The following CECR2 variants were observed in gnomAD, a reference collection of about 807,000 sequenced individuals.
CECR2 encodes the protein CECR2 histone acetyl-lysine reader.
A neutral mutation model predicts 154.5 loss-of-function variants in CECR2; 30 were observed. That is an observed-to-expected ratio of 0.19 (90% CI 0.15 to 0.26). CECR2 has a LOEUF of 0.26. Among genes scored for constraint, CECR2 ranks in the 10% least tolerant of loss-of-function variants. The pLI is 1.00. For synonymous variants in CECR2, 725 were observed against 683.7 expected, an observed-to-expected ratio of 1.06 and a Z score of -0.94; for missense variants, 1,743 against 1,829.3, an observed-to-expected ratio of 0.95 and a Z score of 0.86.
At chr22:17,467,936 G>A (rs754856594) in intron 1 of CECR2, among the ~76,000 whole-genome samples, 14 of 152,220 alleles carry the variant, frequency 9.2e-5, no homozygotes, top group Non-Finnish European at 1.9e-4. Context: ...TGTGAAATGT[G>A]TTCTGTTTTT....
At chr22:17,552,251 C>A in intron 18 of CECR2, 109 bp downstream of exon 18, 1 of 984,342 alleles carries the variant, frequency 1.0e-6, no homozygotes, top group Non-Finnish European at 1.5e-6. Flanking sequence ...CCTGTGGATA[C>A]AGGAACTTTG....
At chr22:17,381,748 G>A (rs1158353040) in intron 1 of CECR2, among the ~76,000 whole-genome samples, 2 of 152,102 alleles carry the variant, frequency 1.3e-5, no homozygotes, top group Non-Finnish European at 2.9e-5. Context: ...CCCAGTGAGC[G>A]ATAGGGAATA....
rs2056794094 is a variant in CECR2 at position 17,558,041 on chromosome 22, G to A, written c.*5201G>A. ...AATAGTTAGTTCAATATTGTGTGTTGGATAATTTTTTAAAAGAACTTTTTA... is the reference window on the plus strand; with the variant it reads ...AATAGTTAGTTCAATATTGTGTGTTAGATAATTTTTTAAAAGAACTTTTTA... On this transcript the variant is annotated 3_prime_UTR_variant, in exon 19 of 19. Coordinates refer to ENST00000262608, the MANE Select transcript of CECR2 (RefSeq NM_001290047.2). The A allele has an allele frequency of 6.6e-6, 1 of 152,186 alleles. No individual in the cohort carries two copies. Among genetic ancestry groups the A allele is most frequent in the African/African-American group, 2.4e-5 (1 of 41,440 alleles). 9.4% of individuals were successfully genotyped at this position (152,186 alleles called of 1,614,324 possible).
chr22:17,415,201 T>C (rs1050306070), intron 1 of CECR2, among the ~76,000 whole-genome samples: 5 of 152,162 alleles, frequency 3.3e-5, no homozygotes, highest in African/African-American at 1.2e-4. Flanking sequence ...CTTTATTTTT[T>C]CAGCTGAAAT....
chr22:17,430,018 G>T (rs1236550052), intron 1 of CECR2, among the ~76,000 whole-genome samples: 1 of 152,206 alleles, frequency 6.6e-6, no homozygotes, highest in Non-Finnish European at 1.5e-5. Context: ...CACCAACAGT[G>T]TATGAGAGTA....
chr22:17,463,534 T>G (rs2054976795), intron 1 of CECR2, among the ~76,000 whole-genome samples: 1 of 151,932 alleles, frequency 6.6e-6, no homozygotes, highest in South Asian at 2.1e-4. Flanking sequence ...TGACTAGATG[T>G]GAAAAGAGAG....
intron 8 of CECR2, among the ~76,000 whole-genome samples, chr22:17,522,787 C>G (rs2056180254): frequency 6.6e-6 from 1 of 151,880 alleles, no homozygotes; most frequent in Non-Finnish European, 1.5e-5. Context: ...GGCGGATCAC[C>G]TGAGGTCAGG....
intron 1 of CECR2, among the ~76,000 whole-genome samples, chr22:17,361,026 C>T (rs984747481): frequency 6.6e-5 from 10 of 151,462 alleles, no homozygotes; most frequent in African/African-American, 2.2e-4. Flanking sequence ...AGCCAGGCAT[C>T]GTGGTGTGTG....
At chr22:17,513,714 T>C (rs1381400306) in intron 8 of CECR2, among the ~76,000 whole-genome samples, 1 of 152,220 alleles carries the variant, frequency 6.6e-6, no homozygotes, top group African/African-American at 2.4e-5. Flanking sequence ...AATGGTTTTC[T>C]AGCCTGGCCT....
intron 2 of CECR2, among the ~76,000 whole-genome samples, chr22:17,486,827 C>T (rs545897808): frequency 1.9e-4 from 29 of 152,244 alleles, no homozygotes; most frequent in Non-Finnish European, 3.5e-4. Context: ...TATGAATAAG[C>T]GCGAGTGGTG....
At chr22:17,364,652 T>C (rs1212620054), upstream of CECR2, among the ~76,000 whole-genome samples, 2 of 152,038 alleles carry the variant, frequency 1.3e-5, no homozygotes, top group Non-Finnish European at 2.9e-5. Flanking sequence ...CAGACCAGCC[T>C]GGCCAATATG....
At chr22:17,414,010 T>C (rs2054109440) in intron 1 of CECR2, among the ~76,000 whole-genome samples, 1 of 146,952 alleles carries the variant, frequency 6.8e-6, no homozygotes, top group Admixed American at 6.9e-5. Flanking sequence ...TCTTGCTCTG[T>C]CACCCAGGCT....
intron 1 of CECR2, among the ~76,000 whole-genome samples, chr22:17,440,640 G>T (rs2054570966): frequency 6.6e-6 from 1 of 152,126 alleles, no homozygotes; most frequent in South Asian, 2.1e-4. Context: ...CTGACTTGAA[G>T]TAATGAGAGG....
At chr22:17,471,626 C>T (rs991024812) in intron 1 of CECR2, among the ~76,000 whole-genome samples, 1 of 150,304 alleles carries the variant, frequency 6.7e-6, no homozygotes, top group Non-Finnish European at 1.5e-5. Context: ...ACCTCTGCCT[C>T]CCGGGTTCAG....
At chr22:17,546,797 G>C (rs2056621105) in intron 16 of CECR2, among the ~76,000 whole-genome samples, 1 of 151,950 alleles carries the variant, frequency 6.6e-6, no homozygotes, top group Non-Finnish European at 1.5e-5. Context: ...CCAGCACTTT[G>C]GGAGGCTGAG....
chr22:17,478,623 G>A (rs1377743357), intron 2 of CECR2, among the ~76,000 whole-genome samples: 1 of 152,106 alleles, frequency 6.6e-6, no homozygotes, highest in Non-Finnish European at 1.5e-5. Flanking sequence ...ACAAAGTGCT[G>A]GGATTACAGG....
intron 2 of CECR2, among the ~76,000 whole-genome samples, chr22:17,480,407 ACTC>A (rs1371207080): frequency 7.5e-6 from 1 of 133,330 alleles, no homozygotes; most frequent in African/African-American, 2.8e-5. Flanking sequence ...GAAACTTACT[ACTC>A]ATGTATAATA....
chr22:17,393,265 A>G (rs1483305471), intron 1 of CECR2, among the ~76,000 whole-genome samples: 1 of 152,136 alleles, frequency 6.6e-6, no homozygotes, highest in Non-Finnish European at 1.5e-5. Flanking sequence ...GAGTAGAATC[A>G]TGTAGTATGT....
At chr22:17,552,774 G>GT (rs695569) in intron 18 of CECR2, 61 bp from the exon 19 acceptor site, 90,572 of 907,954 alleles carry the variant, frequency 0.1, 5 homozygotes, top group South Asian at 0.11. Context: ...GCTTACTTAA[G>GT]TTTTTTTTTT....
Sources: allele counts gnomAD v4.1 joint callset (sites outside exome capture counted in the v4.1 genomes callset), GRCh38; gene constraint gnomAD v4.1.1; transcripts MANE v1.5; gene names NCBI Gene and HGNC (gene_info 2026-07-23, HGNC 2026-07-21).